The following DOCK5 variants were observed in gnomAD, a reference collection of about 807,000 sequenced individuals.
DOCK5 encodes dedicator of cytokinesis 5, also known as dedicator of cytokinesis protein 5.
In DOCK5, 142 loss-of-function variants were observed where a neutral mutation model predicts 251.8. That is an observed-to-expected ratio of 0.56 (90% CI 0.49 to 0.65). DOCK5 has a LOEUF of 0.65. Among genes scored for constraint, DOCK5 ranks in the 30% least tolerant of loss-of-function variants. The pLI is 0.00. For synonymous variants in DOCK5, 842 were observed against 835.5 expected (o/e 1.01, Z -0.13); for missense variants, 2,111 against 2,312.3 (o/e 0.91, Z 1.79).
intron 35 of DOCK5, among the ~76,000 whole-genome samples, 187 bp from the exon 36 acceptor site, chr8:25,373,431 T>C (rs1337669782): frequency 6.6e-6 from 1 of 152,214 alleles, no homozygotes; most frequent in Non-Finnish European, 1.5e-5. Flanking sequence ...GTCCATTATA[T>C]CACTCTTGTG....
intron 14 of DOCK5, 93 bp downstream of exon 14, chr8:25,317,224 AGGAT>A (rs756866448): frequency 4.4e-5 from 68 of 1,536,454 alleles, no homozygotes; most frequent in Non-Finnish European, 5.4e-5. Flanking sequence ...TCTTTGCATC[AGGAT>A]GGGTTTGATT....
chr8:25,196,858 G>A (rs1160769593), intron 1 of DOCK5, among the ~76,000 whole-genome samples: 1 of 152,158 alleles, frequency 6.6e-6, no homozygotes, highest in Non-Finnish European at 1.5e-5. Context: ...AGTTGTAGCG[G>A]AATTGAACCG....
chr8:25,267,368 A>G (rs1207327547), intron 2 of DOCK5, among the ~76,000 whole-genome samples: 1 of 152,248 alleles, frequency 6.6e-6, no homozygotes, highest in African/African-American at 2.4e-5. Context: ...ACAGTTTAAA[A>G]TATTTATGAA....
At position 25,387,864 on chromosome 8, in the gene DOCK5, C is replaced by A. The variant is rs554564039; in HGVS notation, c.4132-1227C>A. Among the ~76,000 whole-genome samples, 3 of 152,122 alleles carry A rather than the reference C, an allele frequency of 2.0e-5. No individual in the cohort carries two copies. In the East Asian group the frequency reaches 5.8e-4, roughly 29 times the overall value. ...TTGCTTGAAGCCTTCTCTTTCCAGT[C>A]GAGCTAATTCTTCCTGACCTGCTTC... is the stretch of plus-strand genomic sequence containing the variant. On this transcript the variant is annotated intron_variant, in intron 40 of 51. Coordinates refer to ENST00000276440, the MANE Select transcript of DOCK5 (RefSeq NM_024940.8).
intron 17 of DOCK5, 129 bp from the exon 18 acceptor site, chr8:25,325,235 G>A (rs888464534): frequency 1.7e-5 from 15 of 906,708 alleles, no homozygotes; most frequent in African/African-American, 1.5e-4. Context: ...TCTCAGAGGT[G>A]GAAGGGATCT....
intron 2 of DOCK5, among the ~76,000 whole-genome samples, chr8:25,258,024 T>C (rs965000561): frequency 6.6e-6 from 1 of 152,054 alleles, no homozygotes; most frequent in Admixed American, 6.6e-5. Flanking sequence ...AAAAACCACA[T>C]CCAGAAAATA....
chr8:25,285,303 G>A (rs746002796), intron 5 of DOCK5, among the ~76,000 whole-genome samples: 13 of 151,986 alleles, frequency 8.6e-5, no homozygotes, highest in Non-Finnish European at 1.6e-4. Flanking sequence ...GCATCACCAC[G>A]CCTGGCTAAT....
intron 3 of DOCK5, 85 bp downstream of exon 3, chr8:25,268,970 T>C: frequency 8.4e-7 from 1 of 1,190,356 alleles, no homozygotes; most frequent in East Asian, 2.7e-5. Flanking sequence ...TCCTCTGCTC[T>C]CTGCTGTCTC....
At chr8:25,208,410 G>A (rs1300901256) in intron 1 of DOCK5, among the ~76,000 whole-genome samples, 1 of 152,088 alleles carries the variant, frequency 6.6e-6, no homozygotes, top group Non-Finnish European at 1.5e-5. Flanking sequence ...TTCATGAAAG[G>A]AAGTATCAAT....
At position 25,366,909 on chromosome 8, in the gene DOCK5, A is replaced by C; in HGVS notation, c.3163A>C (p.Thr1055Pro). 1 of 1,613,784 alleles carries C rather than the reference A, an allele frequency of 6.2e-7. No homozygotes were observed. The highest frequency in any genetic ancestry group is 8.5e-7 in the Non-Finnish European group (1 of 1,179,782). ...CTTCCATTTGGCAGTTGCATTTCTC[A>C]CCCATGAGTCCCTTCAGCTTGAAAC... Reference protein sequence around the residue: ...NYFHLAVAFLTHESLQLETFS... With the variant: ...NYFHLAVAFLPHESLQLETFS... Residue 1055 changes from threonine (T) to proline (P), a missense_variant, in exon 31 of 52, where the codon ACC becomes CCC. Thr to Pro is a conservative substitution (Grantham distance 38). Around this residue, in one of 3 missense-constraint regions of DOCK5, gnomAD observed 1,717 missense variants for 1,892.4 expected, o/e 0.91. Transcript: ENST00000276440.
At chr8:25,244,231 C>G (rs1215264129) in intron 2 of DOCK5, among the ~76,000 whole-genome samples, 1 of 152,232 alleles carries the variant, frequency 6.6e-6, no homozygotes, top group Non-Finnish European at 1.5e-5. Flanking sequence ...GTCCAGAAAG[C>G]CTGATTGTAT....
chr8:25,396,375 TA>T (rs1801345933), intron 45 of DOCK5, among the ~76,000 whole-genome samples: 1 of 152,150 alleles, frequency 6.6e-6, no homozygotes, highest in Non-Finnish European at 1.5e-5. Flanking sequence ...AATTAGCTTC[TA>T]GGACCCCTGC....
chr8:25,293,725 C>T (rs1031004222), intron 6 of DOCK5, among the ~76,000 whole-genome samples: 6 of 152,092 alleles, frequency 3.9e-5, no homozygotes, highest in African/African-American at 1.4e-4. Flanking sequence ...CCAATTAGGC[C>T]AGGTGAGGTT....
At chr8:25,220,837 C>G (rs534731476) in intron 1 of DOCK5, among the ~76,000 whole-genome samples, 1 of 152,140 alleles carries the variant, frequency 6.6e-6, no homozygotes, top group Non-Finnish European at 1.5e-5. Context: ...CTCCTGACTT[C>G]AGGTGATCCG....
intron 45 of DOCK5, 58 bp downstream of exon 45, chr8:25,395,777 C>T (rs1467415676): frequency 1.9e-6 from 3 of 1,556,332 alleles, no homozygotes; most frequent in Non-Finnish European, 2.6e-6. Context: ...TGTGTGCCTC[C>T]CTCTGTGCCA....
chr8:25,344,518 G>T (rs758483576), intron 25 of DOCK5, among the ~76,000 whole-genome samples: 3 of 152,178 alleles, frequency 2.0e-5, no homozygotes, highest in Non-Finnish European at 2.9e-5. Context: ...TATGTAACTG[G>T]ACAAATGAGT....
chr8:25,377,156 T>C (rs1800977123), intron 37 of DOCK5, 149 bp from the exon 38 acceptor site: 2 of 959,996 alleles, frequency 2.1e-6, no homozygotes, highest in Admixed American at 3.7e-5. Context: ...GGAGCTGGCA[T>C]GTGTATATGT....
At chr8:25,376,030 G>A (rs563851488) in intron 37 of DOCK5, 20 of 919,834 alleles carry the variant, frequency 2.2e-5, no homozygotes, top group African/African-American at 9.0e-5. Context: ...CCTGCAAGGC[G>A]GAGGTTTGCA....
chr8:25,288,152 C>T (rs761710766), intron 5 of DOCK5, among the ~76,000 whole-genome samples: 1 of 152,148 alleles, frequency 6.6e-6, no homozygotes, highest in Non-Finnish European at 1.5e-5. Context: ...TCCCAAAGTG[C>T]TGGGATTACA....
Sources: gnomAD v4.1 joint callset for allele counts (sites outside exome capture counted in the v4.1 genomes callset) on GRCh38, gnomAD v4.1.1 for gene constraint, gnomAD v4.1.1 regional missense constraint, MANE v1.5 for transcripts, NCBI Gene and HGNC (gene_info 2026-07-23, HGNC 2026-07-21) for gene names.